The following LONP1 variants were observed in gnomAD, a reference collection of about 807,000 sequenced individuals.
The protein encoded by LONP1 is lon protease homolog, mitochondrial.
A neutral mutation model predicts 98.5 loss-of-function variants in LONP1; 31 were observed. That is an observed-to-expected ratio of 0.31 (90% confidence interval 0.24 to 0.42). The LOEUF (loss-of-function observed/expected upper bound fraction) is 0.42. LONP1 is among the 20% of genes least tolerant of loss of function. LONP1 has a pLI of 1.00. For missense variants in LONP1, 1,336 were observed against 1,350.6 expected (o/e 0.99, Z 0.17); for synonymous variants, 781 against 594.7 (o/e 1.31, Z -4.56).
rs1298894911 is a variant in LONP1 at position 5,711,788 on chromosome 19, C to G, written c.853G>C (p.Val285Leu). The G allele has an allele frequency of 2.5e-6, 4 of 1,610,000 alleles. No individual in the cohort carries two copies. In the Admixed American group the frequency reaches 5.0e-5, roughly 20 times the overall value. The change falls in exon 4 of 18, where the codon GTC becomes CTC. Residue 285 changes from valine (V) to leucine (L), a missense_variant. By Grantham distance (32) the Val-to-Leu change is conservative. Around this residue, in one of 5 missense-constraint regions of LONP1, gnomAD observed 97 missense variants for 139.0 expected, o/e 0.70. Transcript: ENST00000360614. Reference protein sequence around the residue: ...VENVVHEDFQVTEEVKALTAE... With the variant: ...VENVVHEDFQLTEEVKALTAE... ...GGACTCACTTTCACCTCCTCCGTGA[C>G]CTGGAAGTCCTCGTGGACAACGTTC...
At chr19:5,694,068 C>T (rs894865372) in intron 15 of LONP1, among the ~76,000 whole-genome samples, 1 of 152,208 alleles carries the variant, frequency 6.6e-6, no homozygotes, top group African/African-American at 2.4e-5. Context: ...TTCTCCAGCC[C>T]CTCCCGCACC....
chr19:5,712,649 G>A (rs1024628255), intron 3 of LONP1, among the ~76,000 whole-genome samples: 10 of 151,984 alleles, frequency 6.6e-5, no homozygotes, highest in Admixed American at 5.3e-4. Context: ...GGAACACGCC[G>A]TCACATCTAA....
chr19:5,694,644 C>CGGGGTGGTGGGGTGATGGGCGG, intron 14 of LONP1, 92 bp from the exon 15 acceptor site: 1 of 1,543,150 alleles, frequency 6.5e-7, no homozygotes, highest in Non-Finnish European at 8.8e-7. Context: ...GTGACGGGCG[C>CGGGGTGGTGGGGTGATGGGCGG]GGGGTGGTGG....
In LONP1 at chr19:5,691,974, G is replaced by A. The variant is rs757355946; in HGVS notation, c.*58C>T. 8 of 893,110 alleles carry A rather than the reference G, an allele frequency of 9.0e-6. No homozygotes were observed. In the East Asian group the frequency reaches 1.1e-4, roughly 12 times the overall value. 55.3% of individuals were successfully genotyped at this position (893,110 alleles called of 1,614,324 possible). ...CAGGTCCGGGCGCGCTCCCCACAGC[G>A]CTCAGTTCTGGCCCAGACAGGGCCT... On this transcript the variant is annotated 3_prime_UTR_variant, in exon 18 of 18. Transcript: ENST00000360614.
At position 5,696,042 on chromosome 19, in the gene LONP1, G is replaced by T; in HGVS notation, c.2013+12C>A. ...TGGGAAGGGGACAGCAGTGGGGAGG[G>T]GCTGGGCTTACCTCCGCAATGGCCA... On this transcript the variant is annotated intron_variant, in intron 13 of 17. Coordinates refer to ENST00000360614, the MANE Select transcript of LONP1 (RefSeq NM_004793.4). The T allele has an allele frequency of 6.2e-7, 1 of 1,608,028 alleles. No individual in the cohort carries two copies. The highest frequency in any genetic ancestry group is 8.5e-7 in the Non-Finnish European group (1 of 1,177,346).
intron 2 of LONP1, 82 bp downstream of exon 2, chr19:5,714,101 G>A (rs2055277486): frequency 3.7e-6 from 4 of 1,094,870 alleles, no homozygotes; most frequent in East Asian, 2.4e-5. Context: ...GGGGTCAAAG[G>A]TGCAAAGTAC....
intron 9 of LONP1, 78 bp from the exon 10 acceptor site, chr19:5,699,283 A>G (rs574989483): frequency 3.3e-6 from 4 of 1,208,096 alleles, no homozygotes; most frequent in Non-Finnish European, 4.5e-6. Context: ...CCACCTGCAC[A>G]CTGCCTTTCA....
chr19:5,694,463 C>T lies in LONP1; in HGVS notation c.2244G>A (p.Lys748=). Residue 748 remains lysine, a synonymous_variant, in exon 15 of 18, where the codon AAG becomes AAA. Transcript: ENST00000360614. ...TPENLQDFVG[K]PVFTVERMYD... is the part of the protein sequence containing the mutation. The stretch of plus-strand genomic sequence containing the variant: ...ACATGCGCTCCACGGTGAACACGGG[C>T]TTCCCCACGAAGTCCTGCAGGTTCT... 8.7e-6 allele frequency: 14 copies of T among 1,613,492 alleles called. No homozygotes were observed. Among genetic ancestry groups the T allele is most frequent in the Non-Finnish European group, 1.2e-5 (14 of 1,180,026 alleles).
At chr19:5,720,259 G>A (rs1400107976), upstream of LONP1, 2 of 1,296,046 alleles carry the variant, frequency 1.5e-6, no homozygotes, top group Non-Finnish European at 2.0e-6. Flanking sequence ...TCAGGGAGCT[G>A]GGCCTACGCG....
chr19:5,707,925 GTAGC>G, intron 5 of LONP1, 99 bp from the exon 6 acceptor site: 1 of 1,409,958 alleles, frequency 7.1e-7, no homozygotes, highest in Non-Finnish European at 9.8e-7. Context: ...CCTGTCCCCT[GTAGC>G]TATGGGCACG....
chr19:5,706,159 C>T (rs1045525479), intron 7 of LONP1, among the ~76,000 whole-genome samples, 167 bp from the exon 8 acceptor site: 3 of 152,254 alleles, frequency 2.0e-5, no homozygotes, highest in Middle Eastern at 6.8e-3. Context: ...GTTTTTGAGA[C>T]AGGGTCTACC....
At chr19:5,706,587 G>A (rs1315941433) in intron 7 of LONP1, among the ~76,000 whole-genome samples, 1 of 152,048 alleles carries the variant, frequency 6.6e-6, no homozygotes, top group Non-Finnish European at 1.5e-5. Context: ...AGCCTAGGTG[G>A]CCGACTGAGA....
intron 4 of LONP1, chr19:5,708,947 A>C (rs2055192350): frequency 7.0e-6 from 1 of 143,638 alleles, no homozygotes; most frequent in African/African-American, 2.6e-5. Flanking sequence ...CAGGAGATGG[A>C]GCTTGCAGTG....
At chr19:5,697,543 AGGAGAT>A (rs1477056634) in intron 10 of LONP1, among the ~76,000 whole-genome samples, 3 of 105,334 alleles carry the variant, frequency 2.8e-5, no homozygotes, top group African/African-American at 7.5e-5. Context: ...GGGAAGAGGG[AGGAGAT>A]GGAGAGGGAA....
At chr19:5,710,395 T>A (rs2055219010) in intron 4 of LONP1, among the ~76,000 whole-genome samples, 1 of 151,516 alleles carries the variant, frequency 6.6e-6, no homozygotes, top group Non-Finnish European at 1.5e-5. Context: ...CGGCCTGAAT[T>A]TTTTTATTTT....
rs1164572618 is a variant in LONP1 at position 5,707,150 on chromosome 19, A to G, written c.1063-7T>C. On this transcript the variant is annotated splice_region_variant and splice_polypyrimidine_tract_variant and intron_variant, in intron 6 of 17. Transcript: ENST00000360614. ...TGTACAGCCGCTTAGGAATCTGCCGAGACAGGGAGGACAGAAAGGATGAGC... is the reference window on the plus strand; with the variant it reads ...TGTACAGCCGCTTAGGAATCTGCCGGGACAGGGAGGACAGAAAGGATGAGC... 1 of 1,612,162 alleles carries G rather than the reference A, an allele frequency of 6.2e-7. No individual in the cohort carries two copies. The highest frequency in any genetic ancestry group is 1.7e-5 in the Admixed American group (1 of 59,972).
rs1354004391 is a variant in LONP1, at chr19:5,692,079, T to C, written c.2833A>G (p.Ile945Val). 6.2e-7 allele frequency: 1 copy of C among 1,610,932 alleles called. No individual in the cohort carries two copies. Among genetic ancestry groups the C allele is most frequent in the Non-Finnish European group, 8.5e-7 (1 of 1,178,076 alleles). ...TCTGCCTGCTCGTCCGGGAAGGCGA[T>C]GTCGAAGATCTCCCGGTAGTGTTCC... The part of the protein sequence containing the change: ...FVEHYREIFD[I>V]AFPDEQAEAL... Residue 945 changes from isoleucine (I) to valine (V), a missense_variant, in exon 18 of 18, where the codon ATC (isoleucine) becomes GTC (valine). Around this residue, in one of 5 missense-constraint regions of LONP1, gnomAD observed 555 missense variants for 542.6 expected, o/e 1.02. Transcript: ENST00000360614.
At position 5,693,477 on chromosome 19, in the gene LONP1, G is replaced by A. The variant is rs776434430; in HGVS notation, c.2539-15C>T. The stretch of plus-strand genomic sequence containing the variant: ...GGGGTGGCGCCCTGTGGAGGCATGT[G>A]GGGATAGTGGGTGAGCAGGTGGCCA... On this transcript the variant is annotated splice_polypyrimidine_tract_variant and intron_variant, in intron 16 of 17. Coordinates refer to ENST00000360614, the MANE Select transcript of LONP1 (RefSeq NM_004793.4). 2.7e-5 allele frequency: 43 copies of A among 1,611,234 alleles called. No homozygotes were observed. The highest frequency in any genetic ancestry group is 6.7e-5 in the Admixed American group (4 of 59,956).
At chr19:5,715,492 A>C (rs1324628702) in intron 1 of LONP1, among the ~76,000 whole-genome samples, 1 of 151,094 alleles carries the variant, frequency 6.6e-6, no homozygotes, top group Non-Finnish European at 1.5e-5. Context: ...AAATACAAAA[A>C]TTAGCCGGGC....
Sources: allele counts gnomAD v4.1 joint callset (sites outside exome capture counted in the v4.1 genomes callset), GRCh38; gene constraint gnomAD v4.1.1; regional missense constraint gnomAD v4.1.1; transcripts MANE v1.5; gene names NCBI Gene and HGNC (gene_info 2026-07-23, HGNC 2026-07-21).